The following TKT variants were observed in gnomAD, a reference collection of about 807,000 sequenced individuals.
The protein encoded by TKT is transketolase.
TKT carries 47 observed loss-of-function variants against 63.9 expected under a neutral mutation model. The ratio of observed to expected loss-of-function variants is 0.74; its 90% CI spans 0.58 to 0.94. TKT has a LOEUF of 0.94. Ranked by LOEUF, TKT falls within the 40% of genes least tolerant of loss-of-function variation. TKT has a pLI of 0.00. For missense variants in TKT, 721 were observed against 846.2 expected (o/e 0.85, Z 1.84); for synonymous variants, 338 against 334.1 (o/e 1.01, Z -0.13).
chr3:53,228,526 C>G (rs1704602886), intron 10 of TKT, among the ~76,000 whole-genome samples, 167 bp from the exon 11 acceptor site: 1 of 152,198 alleles, frequency 6.6e-6, no homozygotes, highest in Non-Finnish European at 1.5e-5. Flanking sequence ...CCGCACCCCA[C>G]TTGAACACTC....
intron 6 of TKT, 132 bp downstream of exon 6, chr3:53,233,024 C>T (rs1204806842): frequency 2.6e-6 from 2 of 762,272 alleles, no homozygotes; most frequent in South Asian, 1.7e-5. Context: ...GCATCTCCCG[C>T]TCCCCTTCCC....
intron 8 of TKT, 90 bp from the exon 9 acceptor site, chr3:53,229,526 T>C: frequency 7.3e-7 from 1 of 1,365,476 alleles, no homozygotes; most frequent in Non-Finnish European, 1.0e-6. Context: ...AAGCCACAAT[T>C]TGTATATAGA....
rs191899708 is a variant in TKT, at chr3:53,246,243, C to T, written c.108-4001G>A. 1.3e-3 allele frequency among the ~76,000 whole-genome samples: 197 copies of T among 151,980 alleles called. 2 individuals carry two copies. The highest frequency in any genetic ancestry group is 6.0e-3 in the South Asian group (29 of 4,808). ...AGATCGTGCCATTGTACTCTAGACTCGGTGACAGAGTGAGACTCCATCTCA... is the reference window on the plus strand; with the variant it reads ...AGATCGTGCCATTGTACTCTAGACTTGGTGACAGAGTGAGACTCCATCTCA... On this transcript the variant is annotated intron_variant, in intron 1 of 13. Transcript: ENST00000462138.
chr3:53,246,173 C>G (rs187099371), intron 1 of TKT, among the ~76,000 whole-genome samples: 40 of 152,248 alleles, frequency 2.6e-4, no homozygotes, highest in African/African-American at 9.1e-4. Flanking sequence ...GAAGCTGAGG[C>G]AGGAGAACCA....
chr3:53,254,040 G>A (rs1217465632), intron 1 of TKT, among the ~76,000 whole-genome samples: 1 of 152,198 alleles, frequency 6.6e-6, no homozygotes, highest in African/African-American at 2.4e-5. Flanking sequence ...CTATCTCACA[G>A]GGTTATTCTC....
chr3:53,233,255 C>G lies in TKT; in HGVS notation c.649G>C (p.Asp217His). The G allele has an allele frequency of 6.2e-7, 1 of 1,611,760 alleles. No individual in the cohort carries two copies. The highest frequency in any genetic ancestry group is 8.5e-7 in the Non-Finnish European group (1 of 1,178,924). The stretch of plus-strand genomic sequence containing the variant: ...CACAGCTCCTCCACGCTGTGTCCAT[C>G]CACGATGATGGCATGCCAACTGGGG... The part of the protein sequence containing the change: ...EAFGWHAIIV[D>H]GHSVEELCKA... Residue 217 changes from aspartate (D) to histidine (H), a missense_variant, in exon 6 of 14, where the codon GAT becomes CAT. Coordinates refer to ENST00000462138, the MANE Select transcript of TKT (RefSeq NM_001064.4).
Position 53,228,045 on chromosome 3 carries a change from C to T in TKT, c.1573+11G>A. ...GCTCAGTTGATGACTTTGGAGGCCCCTTCTCCTCACCTTTCTTCAGCAGTT... is the reference window on the plus strand; with the variant it reads ...GCTCAGTTGATGACTTTGGAGGCCCTTTCTCCTCACCTTTCTTCAGCAGTT... On this transcript the variant is annotated intron_variant, in intron 12 of 13. Coordinates refer to ENST00000462138, the MANE Select transcript of TKT (RefSeq NM_001064.4). The T allele has an allele frequency of 6.2e-7, 1 of 1,611,984 alleles. No homozygotes were observed. The highest frequency in any genetic ancestry group is 8.5e-7 in the Non-Finnish European group (1 of 1,179,724).
intron 1 of TKT, among the ~76,000 whole-genome samples, chr3:53,254,337 G>A (rs2106739084): frequency 6.6e-6 from 1 of 152,238 alleles, no homozygotes; most frequent in African/African-American, 2.4e-5. Context: ...CCCAGGCAGG[G>A]GATACCCCAC....
chr3:53,232,076 C>A (rs1177130385), intron 6 of TKT: 2 of 342,620 alleles, frequency 5.8e-6, no homozygotes, highest in Non-Finnish European at 1.0e-5. Flanking sequence ...CACCCCATGG[C>A]ACCTTGTTGT....
intron 1 of TKT, among the ~76,000 whole-genome samples, chr3:53,249,732 G>C (rs187498412): frequency 6.6e-6 from 1 of 152,190 alleles, no homozygotes; most frequent in East Asian, 1.9e-4. Context: ...CCATCTGCAG[G>C]TGGGCTCACC....
At position 53,236,819 on chromosome 3, in the gene TKT, C is replaced by T. The variant is rs575937087; in HGVS notation, c.438-1645G>A. ...CAGGTCAGAGGGCGTGCTGAGGTCC[C>T]GAGGAGATGCCAAGGAAGGGGTTGT... On this transcript the variant is annotated intron_variant, in intron 4 of 13. Coordinates refer to ENST00000462138, the MANE Select transcript of TKT (RefSeq NM_001064.4). Among the ~76,000 whole-genome samples the T allele has an allele frequency of 7.9e-5, 12 of 152,230 alleles. No homozygotes were observed. In the South Asian group the frequency reaches 1.7e-3, roughly 21 times the overall value.
chr3:53,231,220 A>C (rs1180551369), intron 7 of TKT, 137 bp downstream of exon 7: 6 of 960,080 alleles, frequency 6.2e-6, no homozygotes, highest in Admixed American at 2.8e-5. Flanking sequence ...AGTGACAGGA[A>C]CAACACCTCA....
At chr3:53,228,184 G>A (rs781972237) in intron 11 of TKT, 35 bp from the exon 12 acceptor site, 12 of 1,613,516 alleles carry the variant, frequency 7.4e-6, no homozygotes, top group South Asian at 6.6e-5. Flanking sequence ...AAGGCTCAGG[G>A]CCCTGGGGCA....
chr3:53,227,111 A>C (rs1201139645), intron 12 of TKT: 1 of 515,904 alleles, frequency 1.9e-6, no homozygotes, highest in African/African-American at 2.0e-5. Flanking sequence ...AGTATCCAAG[A>C]ACCCAGAGCG....
intron 1 of TKT, among the ~76,000 whole-genome samples, chr3:53,249,938 A>T (rs928734138): frequency 1.3e-5 from 2 of 152,340 alleles, no homozygotes; most frequent in African/African-American, 4.8e-5. Flanking sequence ...AGCCTGCCAC[A>T]AGAGACAATG....
intron 6 of TKT, chr3:53,232,312 T>C (rs1704800147): frequency 7.5e-6 from 3 of 398,944 alleles, no homozygotes; most frequent in Non-Finnish European, 1.3e-5. Flanking sequence ...CCCAGAGCCC[T>C]TTCCTCGACA....
intron 4 of TKT, chr3:53,235,463 A>C (rs1207512906): frequency 7.5e-6 from 2 of 268,120 alleles, no homozygotes; most frequent in African/African-American, 2.2e-5. Context: ...GGCTAATAAG[A>C]TCTAGAAAAA....
At position 53,242,238 on chromosome 3, in the gene TKT, G is replaced by C. The variant is rs782070027; in HGVS notation, c.112C>G (p.Pro38Ala). The change falls in exon 2 of 14, where the codon CCC (proline) becomes GCC (alanine). Residue 38 changes from proline (P) to alanine (A), a missense_variant. Pro to Ala is a conservative substitution (Grantham distance 27, BLOSUM62 -1). Coordinates refer to ENST00000462138, the MANE Select transcript of TKT (RefSeq NM_001064.4). ...TCTGCGGCGCTGCAGCATGACGTGG[G>C]GTGGCTGTGGCCCAGGAGAGAAGAC... ...QATTAAGSGH[P>A]TSCCSAAEIM... 23 of 1,613,806 alleles carry C rather than the reference G, an allele frequency of 1.4e-5. No homozygotes were observed. The highest frequency in any genetic ancestry group is 1.9e-5 in the Non-Finnish European group (23 of 1,179,980).
At chr3:53,243,449 C>T (rs1553680340) in intron 1 of TKT, 2 of 385,044 alleles carry the variant, frequency 5.2e-6, no homozygotes, top group African/African-American at 2.1e-5. Context: ...GCCTCCCGCC[C>T]CTCCAATCAG....
Sources: gnomAD v4.1 joint callset for allele counts (sites outside exome capture counted in the v4.1 genomes callset) on GRCh38, gnomAD v4.1.1 for gene constraint, MANE v1.5 for transcripts, NCBI Gene and HGNC (gene_info 2026-07-23, HGNC 2026-07-21) for gene names.